The following MAD1L1 variants were observed in gnomAD, a reference collection of about 807,000 sequenced individuals.
The protein encoded by MAD1L1 is mitotic spindle assembly checkpoint protein MAD1.
In MAD1L1, 95 loss-of-function variants were observed where a neutral mutation model predicts 96.9. The observed-to-expected ratio is 0.98, with a 90% CI of 0.83 to 1.16. The LOEUF (loss-of-function observed/expected upper bound fraction) is 1.16. MAD1L1 is among the 50% of genes most tolerant of loss of function. The probability of loss-of-function intolerance (pLI) is 0.00; values close to 1 mark genes in which losing one functional copy is unlikely to be tolerated. For synonymous variants in MAD1L1, 473 were observed against 396.6 expected, an observed-to-expected ratio of 1.19 and a Z score of -2.29; for missense variants, 1,007 against 954.4, an observed-to-expected ratio of 1.06 and a Z score of -0.73.
intron 18 of MAD1L1, chr7:1,846,550 C>T: frequency 6.5e-6 from 1 of 154,348 alleles, no homozygotes; most frequent in South Asian, 2.0e-4. Context: ...GTGTGTCCAG[C>T]CACGAAGGTT....
Position 2,219,360 on chromosome 7 carries a change from G to GCTCCTGCTT in MAD1L1, c.559_567dup (p.Lys187_Glu189dup). Reference sequence around the variant, plus strand: ...TGTTGCAGGTCCAGCTGCTCCTGCAGCTCCTGCTTCTCCGACTCCAGGCGC... The same window carrying GCTCCTGCTT: ...TGTTGCAGGTCCAGCTGCTCCTGCAGCTCCTGCTTCTCCTGCTTCTCCGACTCCAGGCGC... On this transcript the variant is annotated inframe_insertion, in exon 6 of 19. Transcript: ENST00000265854. 1 of 1,595,390 alleles carries GCTCCTGCTT rather than the reference G, an allele frequency of 6.3e-7. No homozygotes were observed. The highest frequency in any genetic ancestry group is 8.5e-7 in the Non-Finnish European group (1 of 1,170,236).
intron 14 of MAD1L1, among the ~76,000 whole-genome samples, chr7:1,993,597 G>A (rs992717859): frequency 7.9e-5 from 12 of 152,316 alleles, no homozygotes; most frequent in Admixed American, 2.0e-4. Flanking sequence ...AGGAGAAGCA[G>A]GGATCCAAAT....
intron 11 of MAD1L1, among the ~76,000 whole-genome samples, chr7:2,139,623 G>A (rs528286834): frequency 4.0e-5 from 6 of 151,364 alleles, no homozygotes; most frequent in African/African-American, 9.7e-5. Flanking sequence ...GACACCCGCC[G>A]CTCTCCTTCA....
rs535569352 is a variant in MAD1L1, at chr7:2,134,944, T to C, written c.1073+14208A>G. On this transcript the variant is annotated intron_variant, in intron 11 of 18. Transcript: ENST00000265854. ...CCCGGAATGCTGCAAAGTGGGCCTT[T>C]TCTAGGATACATGAGTCACCGTTTC... Among the ~76,000 whole-genome samples, 4 of 152,332 alleles carry C rather than the reference T, an allele frequency of 2.6e-5. No individual in the cohort carries two copies. In the South Asian group the frequency reaches 8.3e-4, roughly 32 times the overall value.
At chr7:1,977,705 A>G (rs866392698) in intron 15 of MAD1L1, among the ~76,000 whole-genome samples, 4 of 152,354 alleles carry the variant, frequency 2.6e-5, no homozygotes, top group Middle Eastern at 6.8e-3. Context: ...AGCCCACACA[A>G]ATCTGACACA....
intron 12 of MAD1L1, among the ~76,000 whole-genome samples, chr7:2,047,949 A>C (rs1390656100): frequency 6.6e-6 from 1 of 151,984 alleles, no homozygotes; most frequent in African/African-American, 2.4e-5. Context: ...CAGCTCACAA[A>C]GCACACGTGC....
At position 2,142,594 on chromosome 7, in the gene MAD1L1, A is replaced by T. The variant is rs146473875; in HGVS notation, c.1073+6558T>A. ...CAGAGCTCCTGGCGCGTGCCCTGCC[A>T]CAGCCCTGGACCAGACAGGCATGGC... On this transcript the variant is annotated intron_variant, in intron 11 of 18. Transcript: ENST00000265854. This position sits in a 1 kb window ranked among gnomAD's most constrained non-coding sequence, Gnocchi z 4.7. Among the ~76,000 whole-genome samples, 1,252 of 152,322 alleles carry T rather than the reference A, an allele frequency of 8.2e-3. 11 individuals are homozygous for T. The highest frequency in any genetic ancestry group is 0.037 in the South Asian group (180 of 4,826).
intron 16 of MAD1L1, among the ~76,000 whole-genome samples, chr7:1,953,734 C>T (rs1168218256): frequency 5.3e-5 from 8 of 152,242 alleles, no homozygotes; most frequent in African/African-American, 1.7e-4. Flanking sequence ...TGCAAACTTC[C>T]CTCAACTTCA....
At chr7:1,985,721 C>T (rs549103350) in intron 14 of MAD1L1, among the ~76,000 whole-genome samples, 7 of 152,292 alleles carry the variant, frequency 4.6e-5, no homozygotes, top group East Asian at 3.9e-4. Flanking sequence ...ACTCTTGCTG[C>T]GGGTTCTTTA....
At chr7:1,843,483 G>T (rs1307128487) in intron 18 of MAD1L1, among the ~76,000 whole-genome samples, 3 of 152,202 alleles carry the variant, frequency 2.0e-5, no homozygotes, top group Non-Finnish European at 4.4e-5. Context: ...CCACAAGTGG[G>T]CAGCTTTTCC....
At chr7:1,917,391 G>A (rs1010457313) in intron 17 of MAD1L1, among the ~76,000 whole-genome samples, 5 of 152,172 alleles carry the variant, frequency 3.3e-5, no homozygotes, top group East Asian at 3.9e-4. Flanking sequence ...CATGGGGGCC[G>A]AGACAGGGCT....
chr7:2,158,495 G>C (rs897755368), intron 10 of MAD1L1, among the ~76,000 whole-genome samples: 1 of 152,252 alleles, frequency 6.6e-6, no homozygotes, highest in Non-Finnish European at 1.5e-5. Context: ...GCTCCAGCCA[G>C]AGCCCTGCGG....
At chr7:1,970,163 G>C (rs1278271639) in intron 15 of MAD1L1, among the ~76,000 whole-genome samples, 1 of 152,188 alleles carries the variant, frequency 6.6e-6, no homozygotes, top group African/African-American at 2.4e-5. Flanking sequence ...GAGCAGACAT[G>C]TGCAGCTGCC....
At chr7:1,877,757 A>G (rs1244830569) in intron 18 of MAD1L1, among the ~76,000 whole-genome samples, 8 of 152,204 alleles carry the variant, frequency 5.3e-5, no homozygotes, top group Non-Finnish European at 8.8e-5. Flanking sequence ...TACTCAAGTC[A>G]GACTTCAGAA....
At chr7:1,880,630 C>CA (rs975943400) in intron 18 of MAD1L1, among the ~76,000 whole-genome samples, 2 of 152,214 alleles carry the variant, frequency 1.3e-5, no homozygotes, top group African/African-American at 2.4e-5. Flanking sequence ...TCAGGGGCCC[C>CA]ACACCAAACC....
At chr7:1,954,816 C>T (rs962525164) in intron 16 of MAD1L1, among the ~76,000 whole-genome samples, 29 of 152,314 alleles carry the variant, frequency 1.9e-4, no homozygotes, top group African/African-American at 6.7e-4. Flanking sequence ...GTGGGTGCCC[C>T]GAGCTCTCCC....
rs3800909 is a variant in MAD1L1 at position 2,119,959 on chromosome 7, C to G, written c.1073+29193G>C. ...TCCTCCTCACTCCACCTCCTCCCAG[C>G]ATGCGCCCAAGGCATCCCTAGCAAT... On this transcript the variant is annotated intron_variant, in intron 11 of 18. Coordinates refer to ENST00000265854, the MANE Select transcript of MAD1L1 (RefSeq NM_001013836.2). This position sits in a 1 kb window ranked among gnomAD's most constrained non-coding sequence, Gnocchi z 4.6. Among the ~76,000 whole-genome samples, 55,080 of 152,026 alleles carry G rather than the reference C, an allele frequency of 0.36. 10,684 individuals are homozygous for G. The highest frequency in any genetic ancestry group is 0.51 in the East Asian group (2,635 of 5,152).
intron 10 of MAD1L1, among the ~76,000 whole-genome samples, chr7:2,205,084 CTTTTTTTTTTT>C (rs56101356): frequency 0.011 from 1,161 of 103,910 alleles, 18 homozygotes; most frequent in African/African-American, 0.039. Flanking sequence ...AGGATCTTTT[CTTTTTTTTTTT>C]TTTTTTTTTT....
At chr7:2,227,966 A>G (rs1793990634) in intron 3 of MAD1L1, among the ~76,000 whole-genome samples, 1 of 152,160 alleles carries the variant, frequency 6.6e-6, no homozygotes, top group Non-Finnish European at 1.5e-5. Context: ...CAGACAGCAC[A>G]CATTCCCCCG....
Sources: allele counts gnomAD v4.1 joint callset (sites outside exome capture counted in the v4.1 genomes callset), GRCh38; gene constraint gnomAD v4.1.1; non-coding constraint Gnocchi (gnomAD v3.1); transcripts MANE v1.5; gene names NCBI Gene and HGNC (gene_info 2026-07-23, HGNC 2026-07-21).